CFAP54: variants seen among roughly 807,000 people sequenced by gnomAD.
CFAP54 encodes the protein cilia- and flagella-associated protein 54.
A neutral mutation model predicts 370.4 loss-of-function variants in CFAP54; 290 were observed. That is an observed-to-expected ratio of 0.78 (90% CI 0.71 to 0.86). The LOEUF is 0.86. Ranked by LOEUF, CFAP54 falls within the 40% of genes least tolerant of loss-of-function variation. The pLI, the probability that CFAP54 is intolerant of heterozygous loss-of-function variation, is 0.00. For synonymous variants in CFAP54, 1,206 were observed against 1,236.5 expected (o/e 0.98, Z 0.52); for missense variants, 3,399 against 3,528.7 (o/e 0.96, Z 0.93).
intron 57 of CFAP54, 138 bp from the exon 58 acceptor site, chr12:96,757,357 G>GA (rs1457757667): frequency 4.3e-6 from 2 of 464,610 alleles, no homozygotes; most frequent in Admixed American, 3.8e-5. Context: ...AAAGTGCTAT[G>GA]AAAAGAGGGT....
intron 3 of CFAP54, among the ~76,000 whole-genome samples, chr12:96,506,475 C>T (rs1172499607): frequency 6.6e-6 from 1 of 150,484 alleles, no homozygotes; most frequent in Admixed American, 6.6e-5. Flanking sequence ...TTTTTTTTTA[C>T]ACTAATCTAT....
At position 96,874,614 on chromosome 12, in the gene CFAP54, TTTTTTTATTTTTATTTTA is replaced by T. The variant is rs1384306386; in HGVS notation, c.*15-497_*15-480del. The stretch of plus-strand genomic sequence containing the variant: ...TCTGTTCTGTTTTGGGATCTCTGCT[TTTTTTTATTTTTATTTTA>T]TTTTTTTTTTTTTTTGAGACGGAGT... On this transcript the variant is annotated intron_variant, in intron 67 of 67. Transcript: ENST00000524981. Among the ~76,000 whole-genome samples, 28 of 14,020 alleles carry T rather than the reference TTTTTTTATTTTTATTTTA, an allele frequency of 2.0e-3. 7 individuals are homozygous for T. Among genetic ancestry groups the T allele is most frequent in the East Asian group, 0.083 (1 of 12 alleles). The allele number at this position is 14,020 out of a possible 152,430, so 9.2% of individuals were successfully genotyped here.
chr12:96,844,229 G>A (rs571972967), intron 66 of CFAP54, among the ~76,000 whole-genome samples: 2 of 152,242 alleles, frequency 1.3e-5, no homozygotes, highest in Non-Finnish European at 1.5e-5. Context: ...GGGGAGAGGG[G>A]CAGATGATCC....
chr12:96,802,985 T>C (rs1454868942), intron 63 of CFAP54, among the ~76,000 whole-genome samples: 2 of 152,204 alleles, frequency 1.3e-5, no homozygotes, highest in African/African-American at 4.8e-5. Context: ...ACTTCATCCA[T>C]GTCCCTGCAA....
chr12:96,513,181 A>G (rs1955192235), intron 5 of CFAP54, 137 bp downstream of exon 5: 2 of 288,816 alleles, frequency 6.9e-6, no homozygotes, highest in Non-Finnish European at 1.2e-5. Flanking sequence ...GTAAATATAT[A>G]TTATATAGCT....
intron 14 of CFAP54, among the ~76,000 whole-genome samples, chr12:96,547,016 T>G (rs1218724122): frequency 4.6e-5 from 7 of 152,174 alleles, no homozygotes; most frequent in Admixed American, 4.6e-4. Flanking sequence ...TTTGAAAACT[T>G]CTATATTTAT....
At chr12:96,604,896 T>C (rs910509947) in intron 26 of CFAP54, among the ~76,000 whole-genome samples, 30 of 152,202 alleles carry the variant, frequency 2.0e-4, no homozygotes, top group African/African-American at 7.2e-4. Context: ...GCTTCCCTTT[T>C]CTAGGAAAGG....
chr12:96,532,557 G>C (rs1050766477), intron 9 of CFAP54, among the ~76,000 whole-genome samples: 1 of 152,142 alleles, frequency 6.6e-6, no homozygotes. Context: ...AAATGGAGGA[G>C]AGGGGATGTT....
intron 32 of CFAP54, among the ~76,000 whole-genome samples, chr12:96,636,331 T>C (rs547182678): frequency 1.0e-3 from 157 of 152,302 alleles, no homozygotes; most frequent in Non-Finnish European, 2.2e-3. Context: ...TTGAGTTCCT[T>C]TTGATGAATT....
chr12:96,683,330 G>T (rs1291422126), intron 40 of CFAP54, among the ~76,000 whole-genome samples: 1 of 152,158 alleles, frequency 6.6e-6, no homozygotes, highest in Non-Finnish European at 1.5e-5. Flanking sequence ...TGTTGTATTG[G>T]TGACTCAAAT....
At chr12:96,825,275 GTTATA>G (rs1462776536) in intron 65 of CFAP54, among the ~76,000 whole-genome samples, 7 of 108,308 alleles carry the variant, frequency 6.5e-5, no homozygotes, top group Admixed American at 5.4e-4. Context: ...AATATAACAT[GTTATA>G]TTATATATAA....
At chr12:96,606,116 A>C (rs1174607100) in intron 26 of CFAP54, among the ~76,000 whole-genome samples, 1 of 152,238 alleles carries the variant, frequency 6.6e-6, no homozygotes, top group East Asian at 1.9e-4. Flanking sequence ...GTTATAAGCA[A>C]AAAGAAAAGC....
intron 62 of CFAP54, among the ~76,000 whole-genome samples, chr12:96,790,123 A>C (rs1292148011): frequency 1.3e-5 from 2 of 152,224 alleles, no homozygotes; most frequent in African/African-American, 4.8e-5. Context: ...TGTGATGGAA[A>C]AACAAAGGTG....
chr12:96,647,472 C>CAAAAAAAAAAAA (rs57089692), intron 33 of CFAP54, among the ~76,000 whole-genome samples: 2,125 of 40,748 alleles, frequency 0.052, 359 homozygotes, highest in Admixed American at 0.1. Context: ...GACTCTGTCC[C>CAAAAAAAAAAAA]AAAAAAAAAA....
At chr12:96,587,953 G>C (rs1956089053) in intron 22 of CFAP54, among the ~76,000 whole-genome samples, 1 of 152,036 alleles carries the variant, frequency 6.6e-6, no homozygotes, top group East Asian at 1.9e-4. Flanking sequence ...TCAATGTTCT[G>C]GTTTCCTCAT....
chr12:96,490,831 C>T (rs1218244107), intron 1 of CFAP54, among the ~76,000 whole-genome samples: 2 of 151,874 alleles, frequency 1.3e-5, no homozygotes, highest in Non-Finnish European at 2.9e-5. Context: ...TATAAGAATC[C>T]ATGTCCTTAT....
At chr12:96,495,029 G>A (rs1433826789) in intron 1 of CFAP54, among the ~76,000 whole-genome samples, 1 of 152,124 alleles carries the variant, frequency 6.6e-6, no homozygotes, top group Non-Finnish European at 1.5e-5. Flanking sequence ...CTAGACAACA[G>A]ATGGTTATTT....
At chr12:96,868,771 G>T (rs74699338) in intron 67 of CFAP54, among the ~76,000 whole-genome samples, 1 of 151,914 alleles carries the variant, frequency 6.6e-6, no homozygotes, top group African/African-American at 2.4e-5. Context: ...TTTTTTTAAC[G>T]TGCCATTCAT....
At chr12:96,651,918 G>A in intron 36 of CFAP54, 103 bp downstream of exon 36, 2 of 736,488 alleles carry the variant, frequency 2.7e-6, no homozygotes, top group Non-Finnish European at 4.3e-6. Context: ...TTCTCATTTG[G>A]TTTGTCTACA....
Sources: allele counts gnomAD v4.1 joint callset (sites outside exome capture counted in the v4.1 genomes callset), GRCh38; gene constraint gnomAD v4.1.1; transcripts MANE v1.5; gene names NCBI Gene and HGNC (gene_info 2026-07-23, HGNC 2026-07-21).